The following MCOLN1 variants were observed in gnomAD, a reference collection of about 807,000 sequenced individuals.
MCOLN1 encodes mucolipin-1.
A neutral mutation model predicts 70.3 loss-of-function variants in MCOLN1; 50 were observed. The observed-to-expected ratio is 0.71, with a 90% CI of 0.57 to 0.90. The LOEUF (loss-of-function observed/expected upper bound fraction) is 0.90, where lower values mean the gene tolerates loss of function less well. Ranked by LOEUF, MCOLN1 falls within the 40% of genes least tolerant of loss-of-function variation. The probability of loss-of-function intolerance (pLI) is 0.00; values close to 1 mark genes in which losing one functional copy is unlikely to be tolerated. For synonymous variants in MCOLN1, 366 were observed against 341.0 expected, an observed-to-expected ratio of 1.07 and a Z score of -0.81; for missense variants, 598 against 803.5, an observed-to-expected ratio of 0.74 and a Z score of 3.09.
At chr19:7,531,713 G>C (rs139947573) in intron 12 of MCOLN1, among the ~76,000 whole-genome samples, 3,538 of 152,160 alleles carry the variant, frequency 0.023, 118 homozygotes, top group African/African-American at 0.069. Context: ...TGTCACCCAG[G>C]CTGGAGTGCA....
At position 7,522,749 on chromosome 19, in the gene MCOLN1, G is replaced by T. The variant is rs1389848029; in HGVS notation, c.-2G>T. On this transcript the variant is annotated 5_prime_UTR_variant, in exon 1 of 14. Transcript: ENST00000264079. ...GCCTGCGTCCCGCGCTCCCGCCCCA[G>T]CATGACAGCCCCGGCGGGTCCGCGC... 5 of 1,448,696 alleles carry T rather than the reference G, an allele frequency of 3.5e-6. No individual in the cohort carries two copies. In the Admixed American group the frequency reaches 1.0e-4, roughly 29 times the overall value. 89.7% of individuals were successfully genotyped at this position (1,448,696 alleles called of 1,614,324 possible).
Position 7,527,772 on chromosome 19 carries a change from C to T in MCOLN1, c.681-92C>T, listed in dbSNP as rs1360447572. 3.3e-6 allele frequency: 4 copies of T among 1,195,622 alleles called. No homozygotes were observed. The African/African-American group carries it at 4.5e-5, about 13-fold the overall frequency. 74.1% of individuals were successfully genotyped at this position (1,195,622 alleles called of 1,614,324 possible). On this transcript the variant is annotated intron_variant, in intron 5 of 13. Transcript: ENST00000264079. ...GCTGGGTGAGCACTTCCCCTGCCAG[C>T]TGCAGAGTCAGCACGTGGCAGGGGA...
intron 12 of MCOLN1, among the ~76,000 whole-genome samples, chr19:7,532,948 G>A (rs1335384531): frequency 1.3e-5 from 2 of 152,180 alleles, no homozygotes; most frequent in Non-Finnish European, 2.9e-5. Flanking sequence ...CTAGTAGCCT[G>A]AAAAAACTTG....
At chr19:7,529,505 C>CCCCCCCCCCCCCCCCCCCA in intron 10 of MCOLN1, 85 bp from the exon 11 acceptor site, 5 of 755,734 alleles carry the variant, frequency 6.6e-6, no homozygotes, top group African/African-American at 1.7e-5. Flanking sequence ...GGCAAGGCCC[C>CCCCCCCCCCCCCCCCCCCA]GCCCCTCCCA....
At chr19:7,532,686 A>G (rs959174775) in intron 12 of MCOLN1, among the ~76,000 whole-genome samples, 1 of 152,198 alleles carries the variant, frequency 6.6e-6, no homozygotes, top group Non-Finnish European at 1.5e-5. Flanking sequence ...CTGCACTCCA[A>G]CGTGGGCGAG....
chr19:7,529,616 C>T lies in MCOLN1; in HGVS notation c.1263C>T (p.Ala421=), dbSNP rs779383350. ...YNILIATLRV[A]LPSVMRFCCC... ...TCCTCATCGCCACACTGCGGGTGGC[C>T]CTGCCCAGCGTCATGCGCTTCTGCT... is the stretch of plus-strand genomic sequence containing the variant. The change falls in exon 11 of 14, where the codon GCC becomes GCT. Residue 421 remains alanine (A), a synonymous_variant. Transcript: ENST00000264079. 3 of 1,612,290 alleles carry T rather than the reference C, an allele frequency of 1.9e-6. No individual in the cohort carries two copies. The Admixed American group carries it at 5.0e-5, about 27-fold the overall frequency.
At chr19:7,527,986 G>A (rs2022597342) in intron 6 of MCOLN1, 26 bp downstream of exon 6, 1 of 1,594,640 alleles carries the variant, frequency 6.3e-7, no homozygotes, top group Non-Finnish European at 8.6e-7. Context: ...AACCCACAGG[G>A]CTCCTGAGTT....
chr19:7,523,010 A>C (rs1235957587), intron 1 of MCOLN1, among the ~76,000 whole-genome samples: 1 of 151,906 alleles, frequency 6.6e-6, no homozygotes, highest in East Asian at 1.9e-4. Context: ...TCAGGCAGGG[A>C]TCGCGCCGGG....
At chr19:7,530,657 G>A (rs947462557) in intron 12 of MCOLN1, among the ~76,000 whole-genome samples, 156 bp downstream of exon 12, 2 of 152,224 alleles carry the variant, frequency 1.3e-5, no homozygotes, top group Non-Finnish European at 2.9e-5. Flanking sequence ...AGAACTGGGG[G>A]GCGCAGGGGG....
At position 7,528,915 on chromosome 19, in the gene MCOLN1, C is replaced by T. The variant is rs201195245; in HGVS notation, c.1079C>T (p.Thr360Ile). The T allele has an allele frequency of 1.2e-6, 2 of 1,614,156 alleles. No individual in the cohort carries two copies. Among genetic ancestry groups the T allele is most frequent in the Non-Finnish European group, 1.7e-6 (2 of 1,180,028 alleles). ...AATGGCTGGTACATCCTGCTCGTCA[C>T]CAGCGATGTGCTCACCATCTCGGGC... ...FVNGWYILLV[T>I]SDVLTISGTI... Residue 360 changes from threonine (T) to isoleucine (I), a missense_variant, in exon 9 of 14, where the codon ACC (threonine) becomes ATC (isoleucine). Physicochemically the swap from Thr to Ile is moderately conservative, Grantham distance 89. Coordinates refer to ENST00000264079, the MANE Select transcript of MCOLN1 (RefSeq NM_020533.3). The surrounding 1 kb of genome is among the most constrained non-coding windows in gnomAD (Gnocchi z 4.2).
At position 7,527,876 on chromosome 19, in the gene MCOLN1, CA is replaced by C; in HGVS notation, c.694del (p.Thr232ProfsTer6). On this transcript the variant is annotated frameshift_variant, in exon 6 of 14. Coordinates refer to ENST00000264079, the MANE Select transcript of MCOLN1 (RefSeq NM_020533.3). LOFTEE classifies it high-confidence loss of function. ...GCCTCCTGCCTAGGCTGGTCAATGT[CA>C]CCATCCACTTCCGGCTGAAGACCAT... Reference protein sequence around the residue: ...TLKFHKLVNVTIHFRLKTINL... With the variant: ...TLKFHKLVNVXIHFRLKTINL... 1 of 1,613,806 alleles carries C rather than the reference CA, an allele frequency of 6.2e-7. No individual in the cohort carries two copies. Among genetic ancestry groups the C allele is most frequent in the East Asian group, 2.2e-5 (1 of 44,868 alleles).
intron 4 of MCOLN1, 129 bp from the exon 5 acceptor site, chr19:7,527,389 CAG>C (rs2022587325): frequency 5.6e-6 from 4 of 719,932 alleles, no homozygotes; most frequent in Non-Finnish European, 1.0e-5. Context: ...TCCGCAGGCC[CAG>C]AGAGTGCCAG....
chr19:7,528,193 C>T lies in MCOLN1; in HGVS notation c.813C>T (p.Ile271=), dbSNP rs1005655619. The T allele has an allele frequency of 3.7e-6, 6 of 1,614,112 alleles. No homozygotes were observed. In the Admixed American group the frequency reaches 8.3e-5, roughly 22 times the overall value. The part of the protein sequence containing the change: ...TFDNKAHSGR[I]PISLETQAHI... ...ACAACAAAGCACACAGTGGGCGGAT[C>T]CCCATCAGCCTGGAGACCCAGGCCC... Residue 271 remains isoleucine, a synonymous_variant, in exon 7 of 14, where the codon ATC becomes ATT. Transcript: ENST00000264079. This position sits in a 1 kb window ranked among gnomAD's most constrained non-coding sequence, Gnocchi z 4.2.
At chr19:7,533,159 C>T (rs1352202341) in intron 12 of MCOLN1, among the ~76,000 whole-genome samples, 1 of 152,362 alleles carries the variant, frequency 6.6e-6, no homozygotes, top group Non-Finnish European at 1.5e-5. Flanking sequence ...CACATGCATC[C>T]ACTCAGGTGG....
rs757707434 is a variant in MCOLN1, at chr19:7,529,606, T to C, written c.1253T>C (p.Leu418Pro). 1.3e-6 allele frequency: 2 copies of C among 1,576,528 alleles called. No individual in the cohort carries two copies. Among genetic ancestry groups the C allele is most frequent in the Non-Finnish European group, 1.7e-6 (2 of 1,156,926 alleles). ...CCAACCCAGATCCTCATCGCCACAC[T>C]GCGGGTGGCCCTGCCCAGCGTCATG... Reference protein sequence around the residue: ...FHNYNILIATLRVALPSVMRF... With the variant: ...FHNYNILIATPRVALPSVMRF... Residue 418 changes from leucine (L) to proline (P), a missense_variant, in exon 11 of 14, where the codon CTG becomes CCG. Coordinates refer to ENST00000264079, the MANE Select transcript of MCOLN1 (RefSeq NM_020533.3).
rs1057120683 is a variant in MCOLN1, at chr19:7,525,073, T to C, written c.144T>C (p.Phe48=). The change falls in exon 2 of 14, where the codon TTT becomes TTC. Residue 48 remains phenylalanine, a synonymous_variant. Transcript: ENST00000264079. The surrounding 1 kb of genome is among the most constrained non-coding windows in gnomAD (Gnocchi z 4.2). ...ACCTTCGCCGTCGTCTCAAATACTT[T>C]TTCATGAGTCCCTGCGACAAGTTTC... is the stretch of plus-strand genomic sequence containing the variant. ...EEDLRRRLKY[F]FMSPCDKFRA... 6.2e-7 allele frequency: 1 copy of C among 1,614,032 alleles called. No homozygotes were observed. Among genetic ancestry groups the C allele is most frequent in the African/African-American group, 1.3e-5 (1 of 74,928 alleles).
At chr19:7,529,505 C>CCCCCCCCCCCCCCCCCCCCAGGGGG in intron 10 of MCOLN1, 85 bp from the exon 11 acceptor site, 1 of 755,744 alleles carries the variant, frequency 1.3e-6, no homozygotes, top group Non-Finnish European at 2.3e-6. Context: ...GGCAAGGCCC[C>CCCCCCCCCCCCCCCCCCCCAGGGGG]GCCCCTCCCA....
chr19:7,529,487 G>A (rs1250788715), intron 10 of MCOLN1, 103 bp from the exon 11 acceptor site: 10 of 1,410,432 alleles, frequency 7.1e-6, no homozygotes, highest in African/African-American at 2.8e-5. Context: ...CACACCGGCT[G>A]TGCCCTCGGC....
chr19:7,525,380 G>A lies in MCOLN1; in HGVS notation c.237+214G>A, dbSNP rs1377183955. 1 of 520,342 alleles carries A rather than the reference G, an allele frequency of 1.9e-6. No individual in the cohort carries two copies. Among genetic ancestry groups the A allele is most frequent in the African/African-American group, 1.9e-5 (1 of 52,158 alleles). The allele number at this position is 520,342 out of a possible 1,614,324, so 32.2% of individuals were successfully genotyped here. On this transcript the variant is annotated intron_variant, in intron 2 of 13. Transcript: ENST00000264079. The surrounding 1 kb of genome is among the most constrained non-coding windows in gnomAD (Gnocchi z 4.2). ...GTGGTGGCGGGTGCCTGTAATCCCAGCTACTTGGCAGGCTGAGGCAGGAGA... is the reference window on the plus strand; with the variant it reads ...GTGGTGGCGGGTGCCTGTAATCCCAACTACTTGGCAGGCTGAGGCAGGAGA...
Sources: gnomAD v4.1 joint callset for allele counts (sites outside exome capture counted in the v4.1 genomes callset) on GRCh38, gnomAD v4.1.1 for gene constraint, Gnocchi (gnomAD v3.1) non-coding constraint, MANE v1.5 for transcripts, NCBI Gene and HGNC (gene_info 2026-07-23, HGNC 2026-07-21) for gene names.